Variants in RGS7 observed in about 807,000 individuals in gnomAD.
RGS7 encodes regulator of G protein signaling 7, also known as regulator of G-protein signaling 7.
Under a neutral mutation model 81.1 loss-of-function variants are expected in RGS7, and 27 were observed. The observed-to-expected ratio is 0.33, with a 90% CI of 0.25 to 0.46. RGS7 has a LOEUF of 0.46. Among genes scored for constraint, RGS7 ranks in the 20% least tolerant of loss-of-function variants. RGS7 has a pLI of 1.00. For synonymous variants in RGS7, 208 were observed against 207.7 expected, an observed-to-expected ratio of 1.00 and a Z score of -0.01; for missense variants, 396 against 607.4, an observed-to-expected ratio of 0.65 and a Z score of 3.66.
At chr1:240,804,387 G>GAAGT (rs1688496730) in intron 15 of RGS7, among the ~76,000 whole-genome samples, 1 of 152,068 alleles carries the variant, frequency 6.6e-6, no homozygotes, top group Non-Finnish European at 1.5e-5. Flanking sequence ...GAGGCGTGGA[G>GAAGT]AAGTGGTCAC....
At chr1:240,781,681 T>C (rs1240807378) in intron 18 of RGS7, among the ~76,000 whole-genome samples, 4 of 152,158 alleles carry the variant, frequency 2.6e-5, no homozygotes, top group South Asian at 2.1e-4. Flanking sequence ...GTTTTGTATA[T>C]TGAGACAACT....
chr1:241,144,926 G>GGTGT lies in RGS7; in HGVS notation c.79-46168_79-46165dup, dbSNP rs58610723. ...TCAGTATGTGTTGGCAGGGCAGGAT[G>GGTGT]GTGTGTGTGTGTGTGTGTGTGTGTG... On this transcript the variant is annotated intron_variant, in intron 2 of 18. Transcript: ENST00000440928. The surrounding 1 kb of genome is among the most constrained non-coding windows in gnomAD (Gnocchi z 4.7). Among the ~76,000 whole-genome samples, 2,110 of 141,952 alleles carry GGTGT rather than the reference G, an allele frequency of 0.015. 26 individuals are homozygous for GGTGT. The highest frequency in any genetic ancestry group is 0.034 in the South Asian group (146 of 4,352). The allele number at this position is 141,952 out of a possible 152,430, so 93.1% of individuals were successfully genotyped here.
intron 2 of RGS7, among the ~76,000 whole-genome samples, chr1:241,340,200 A>C (rs2082459862): frequency 6.6e-6 from 1 of 152,192 alleles, no homozygotes; most frequent in Non-Finnish European, 1.5e-5. Flanking sequence ...TTATGAAAAG[A>C]ATGCATAATT....
chr1:241,304,453 A>C (rs1489498562), intron 2 of RGS7, among the ~76,000 whole-genome samples: 5 of 152,108 alleles, frequency 3.3e-5, no homozygotes, highest in African/African-American at 1.2e-4. Flanking sequence ...AGTGTACTGG[A>C]GTTATAGATT....
intron 2 of RGS7, among the ~76,000 whole-genome samples, chr1:241,291,018 C>T (rs2079060697): frequency 6.6e-6 from 1 of 152,106 alleles, no homozygotes; most frequent in Non-Finnish European, 1.5e-5. Flanking sequence ...TTCCACGTGC[C>T]CCACCTCTTT....
intron 15 of RGS7, 84 bp downstream of exon 15, chr1:240,806,056 A>G: frequency 8.3e-7 from 1 of 1,208,590 alleles, no homozygotes; most frequent in Admixed American, 1.7e-5. Flanking sequence ...AATAGCTGCC[A>G]TTTAGAATGA....
chr1:240,951,957 G>A (rs1185172161), intron 4 of RGS7, among the ~76,000 whole-genome samples: 1 of 151,966 alleles, frequency 6.6e-6, no homozygotes, highest in East Asian at 1.9e-4. Context: ...AAACTATGTG[G>A]GCAAAAAAGA....
At chr1:241,238,966 C>CTTT (rs66468032) in intron 2 of RGS7, among the ~76,000 whole-genome samples, 4 of 106,616 alleles carry the variant, frequency 3.8e-5, no homozygotes, top group Non-Finnish European at 3.6e-5. Flanking sequence ...GCCTCTCTCT[C>CTTT]TTTTTTTTTT....
At chr1:240,838,736 C>T (rs750267315) in intron 9 of RGS7, among the ~76,000 whole-genome samples, 40 of 151,690 alleles carry the variant, frequency 2.6e-4, no homozygotes, top group Non-Finnish European at 5.2e-4. Flanking sequence ...GATTTGAGGT[C>T]GTGATTATTT....
intron 9 of RGS7, among the ~76,000 whole-genome samples, chr1:240,833,835 C>T (rs960270929): frequency 5.3e-5 from 8 of 152,044 alleles, no homozygotes; most frequent in Middle Eastern, 3.4e-3. Flanking sequence ...GGCTGGAATG[C>T]AGTGGTGCAA....
intron 2 of RGS7, among the ~76,000 whole-genome samples, chr1:241,296,513 T>A (rs2079435931): frequency 6.6e-6 from 1 of 152,248 alleles, no homozygotes; most frequent in Admixed American, 6.5e-5. Context: ...ATAGACACTT[T>A]CCTGTGGGAA....
At chr1:241,064,311 T>G (rs1572513443) in intron 3 of RGS7, among the ~76,000 whole-genome samples, 1 of 148,804 alleles carries the variant, frequency 6.7e-6, no homozygotes, top group African/African-American at 2.5e-5. Flanking sequence ...TTCTGCTGGG[T>G]GTGGCAGCTC....
At chr1:240,856,816 T>C (rs1661216017) in intron 9 of RGS7, among the ~76,000 whole-genome samples, 1 of 152,182 alleles carries the variant, frequency 6.6e-6, no homozygotes. Flanking sequence ...GAGAAAAATA[T>C]TTCTCTTATG....
At chr1:241,130,282 CCTTT>C (rs2066980769) in intron 2 of RGS7, among the ~76,000 whole-genome samples, 1 of 151,868 alleles carries the variant, frequency 6.6e-6, no homozygotes. Context: ...ACCAGATGTT[CCTTT>C]AATTTTCCAG....
At chr1:241,087,268 T>G (rs1458869005) in intron 3 of RGS7, among the ~76,000 whole-genome samples, 1 of 152,214 alleles carries the variant, frequency 6.6e-6, no homozygotes, top group South Asian at 2.1e-4. Flanking sequence ...CTATGATTTA[T>G]ACTGTGAATA....
At chr1:241,207,124 A>T (rs1229271116) in intron 2 of RGS7, among the ~76,000 whole-genome samples, 3 of 150,924 alleles carry the variant, frequency 2.0e-5, no homozygotes, top group Non-Finnish European at 4.4e-5. Context: ...GCCCACCACC[A>T]CGCCCGGCTA....
intron 16 of RGS7, 136 bp downstream of exon 16, chr1:240,802,768 C>T: frequency 1.4e-6 from 1 of 706,566 alleles, no homozygotes; most frequent in Non-Finnish European, 2.6e-6. Flanking sequence ...TTATAAAATG[C>T]AAAGGTTTGG....
intron 2 of RGS7, among the ~76,000 whole-genome samples, chr1:241,238,966 C>CTCTCTTTTT (rs397786851): frequency 2.8e-5 from 3 of 106,622 alleles, no homozygotes; most frequent in Non-Finnish European, 3.6e-5. Context: ...GCCTCTCTCT[C>CTCTCTTTTT]TTTTTTTTTT....
intron 3 of RGS7, among the ~76,000 whole-genome samples, chr1:241,032,755 T>C (rs939932662): frequency 1.3e-5 from 2 of 152,236 alleles, no homozygotes; most frequent in African/African-American, 4.8e-5. Flanking sequence ...GTAAATCAGA[T>C]TGACTTCTTC....
Sources: gnomAD v4.1 joint callset for allele counts (sites outside exome capture counted in the v4.1 genomes callset) on GRCh38, gnomAD v4.1.1 for gene constraint, Gnocchi (gnomAD v3.1) non-coding constraint, MANE v1.5 for transcripts, NCBI Gene and HGNC (gene_info 2026-07-23, HGNC 2026-07-21) for gene names.